SHISA9: variants seen among roughly 807,000 people sequenced by gnomAD.
SHISA9 encodes the protein protein shisa-9.
In SHISA9, 13 loss-of-function variants were observed where a neutral mutation model predicts 38.0. That is an observed-to-expected ratio of 0.34 (90% confidence interval 0.22 to 0.54). The LOEUF is 0.54. SHISA9 is among the 20% of genes least tolerant of loss of function. The pLI, the probability that SHISA9 is intolerant of heterozygous loss-of-function variation, is 0.91. For missense variants in SHISA9, 538 were observed against 575.8 expected (o/e 0.93, Z 0.67); for synonymous variants, 275 against 242.0 (o/e 1.14, Z -1.27).
At chr16:13,505,499 A>C in the SHISA9 span, among the ~76,000 whole-genome samples, 1 of 152,264 alleles carries the variant, frequency 6.6e-6, no homozygotes, top group African/African-American at 2.4e-5. Flanking sequence ...AAGTAGCAAC[A>C]GTTACCAAGA....
the SHISA9 span, among the ~76,000 whole-genome samples, chr16:13,349,190 C>G: frequency 6.6e-6 from 1 of 152,168 alleles, no homozygotes; most frequent in Non-Finnish European, 1.5e-5. Flanking sequence ...TTAATTCCCA[C>G]CAGCAAAATG....
the SHISA9 span, among the ~76,000 whole-genome samples, chr16:13,506,750 C>G: frequency 2.0e-5 from 3 of 152,238 alleles, no homozygotes; most frequent in East Asian, 5.8e-4. Context: ...TCTTAAAGAT[C>G]TGGCTTGAGA....
intron 2 of SHISA9, among the ~76,000 whole-genome samples, chr16:13,152,249 C>T (rs1318365768): frequency 6.6e-6 from 1 of 151,720 alleles, no homozygotes; most frequent in South Asian, 2.1e-4. Flanking sequence ...TTTTTTTCCC[C>T]AAAAATAAAT....
At chr16:13,396,279 G>T in the SHISA9 span, among the ~76,000 whole-genome samples, 1 of 152,176 alleles carries the variant, frequency 6.6e-6, no homozygotes, top group African/African-American at 2.4e-5. Flanking sequence ...GGCCGAGGCC[G>T]GCGGATCACT....
the SHISA9 span, among the ~76,000 whole-genome samples, chr16:13,252,753 TG>T: frequency 6.6e-6 from 1 of 152,218 alleles, no homozygotes; most frequent in African/African-American, 2.4e-5. Context: ...GGAAGCTCCA[TG>T]GGGGTAGAAA....
intron 2 of SHISA9, among the ~76,000 whole-genome samples, chr16:13,173,725 G>A (rs941446490): frequency 1.3e-5 from 2 of 152,104 alleles, no homozygotes; most frequent in African/African-American, 2.4e-5. Flanking sequence ...TGTCAATTGT[G>A]CCGAGATTTG....
chr16:12,913,794 G>A (rs8059396), intron 1 of SHISA9, among the ~76,000 whole-genome samples: 2 of 151,820 alleles, frequency 1.3e-5, no homozygotes, highest in African/African-American at 2.4e-5. Context: ...CCTCTTTCAC[G>A]GGGAATAATA....
rs118096102 is a variant in SHISA9 at position 13,215,062 on chromosome 16, G to A, written c.895+1762G>A. ...ACTGGAAGGCTCTTGCAGGTGGGTGGTGACCTGCACTGAGGTGGGTAGAGG... is the reference window on the plus strand; with the variant it reads ...ACTGGAAGGCTCTTGCAGGTGGGTGATGACCTGCACTGAGGTGGGTAGAGG... On this transcript the variant is annotated intron_variant, in intron 4 of 4. Coordinates refer to ENST00000558583, the MANE Select transcript of SHISA9 (RefSeq NM_001145204.3). Among the ~76,000 whole-genome samples, 515 of 152,264 alleles carry A rather than the reference G, an allele frequency of 3.4e-3. 1 individual carries two copies. Among genetic ancestry groups the A allele is most frequent in the Middle Eastern group, 0.017 (5 of 292 alleles).
intron 2 of SHISA9, among the ~76,000 whole-genome samples, chr16:13,011,823 T>A: frequency 6.6e-6 from 1 of 151,634 alleles, no homozygotes; most frequent in Middle Eastern, 3.2e-3. Flanking sequence ...GCCTGGCCTT[T>A]GACTTTTTTT....
rs117945091 is a variant in SHISA9, at chr16:12,959,858, G to A, written c.691+43043G>A. Among the ~76,000 whole-genome samples the A allele has an allele frequency of 9.9e-3, 1,514 of 152,304 alleles. 6 individuals carry two copies. The highest frequency in any genetic ancestry group is 0.028 in the East Asian group (147 of 5,190). On this transcript the variant is annotated intron_variant, in intron 2 of 4. Transcript: ENST00000558583. Reference sequence around the variant, plus strand: ...AACAGTTTCCGCACTCTACATATGAGTTTGGGGGAGGAACATAATACTGTT... The same window carrying A: ...AACAGTTTCCGCACTCTACATATGAATTTGGGGGAGGAACATAATACTGTT...
intron 2 of SHISA9, among the ~76,000 whole-genome samples, chr16:13,002,324 C>T (rs2072535830): frequency 6.6e-6 from 1 of 152,138 alleles, no homozygotes; most frequent in Admixed American, 6.5e-5. Context: ...TAATATGTGC[C>T]AGGCATGGTA....
At chr16:13,015,986 C>T (rs757504317) in intron 2 of SHISA9, among the ~76,000 whole-genome samples, 4 of 35,060 alleles carry the variant, frequency 1.1e-4, no homozygotes, top group African/African-American at 4.2e-4. Flanking sequence ...CTTCCCTTCC[C>T]TTCTTTTCTT....
At chr16:13,252,203 G>A in the SHISA9 span, among the ~76,000 whole-genome samples, 9 of 152,032 alleles carry the variant, frequency 5.9e-5, no homozygotes, top group South Asian at 4.1e-4. Context: ...CACTCACTCT[G>A]CTCCAGCCCC....
intron 2 of SHISA9, among the ~76,000 whole-genome samples, chr16:13,116,009 G>T (rs1374571601): frequency 6.6e-6 from 1 of 152,084 alleles, no homozygotes; most frequent in Non-Finnish European, 1.5e-5. Flanking sequence ...GGATCTCTAA[G>T]ACAGATTTTA....
At chr16:13,045,901 A>G (rs17240162) in intron 2 of SHISA9, among the ~76,000 whole-genome samples, 8,413 of 152,282 alleles carry the variant, frequency 0.055, 310 homozygotes, top group Middle Eastern at 0.099. Context: ...GGTCAGGCCT[A>G]TTAAGTCAGA....
intron 2 of SHISA9, 131 bp downstream of exon 2, chr16:12,916,946 TG>T: frequency 9.2e-7 from 1 of 1,085,354 alleles, no homozygotes; most frequent in Middle Eastern, 2.6e-4. Context: ...CTTTCTTTCA[TG>T]TCTTTTGGAT....
At chr16:13,120,221 G>C (rs956223506) in intron 2 of SHISA9, among the ~76,000 whole-genome samples, 3 of 152,192 alleles carry the variant, frequency 2.0e-5, no homozygotes, top group Admixed American at 2.0e-4. Context: ...TAGTTTGAAC[G>C]CAGAGTTACT....
At chr16:13,330,677 G>A in the SHISA9 span, among the ~76,000 whole-genome samples, 1 of 152,160 alleles carries the variant, frequency 6.6e-6, no homozygotes, top group African/African-American at 2.4e-5. Context: ...TCTAATGGCT[G>A]CATAGTATTC....
intron 2 of SHISA9, among the ~76,000 whole-genome samples, chr16:12,957,068 C>T (rs1217918276): frequency 2.6e-5 from 4 of 152,054 alleles, no homozygotes; most frequent in African/African-American, 9.7e-5. Flanking sequence ...GAGTATTCAT[C>T]TACTCTCTTC....
Sources: gnomAD v4.1 joint callset for allele counts (sites outside exome capture counted in the v4.1 genomes callset) on GRCh38, gnomAD v4.1.1 for gene constraint, MANE v1.5 for transcripts, NCBI Gene and HGNC (gene_info 2026-07-23, HGNC 2026-07-21) for gene names.